Variants in DGKB observed in about 807,000 individuals in gnomAD.
The protein encoded by DGKB is diacylglycerol kinase beta.
In DGKB, 67 loss-of-function variants were observed where a neutral mutation model predicts 114.3. The observed-to-expected ratio is 0.59, with a 90% CI of 0.48 to 0.72. The LOEUF (loss-of-function observed/expected upper bound fraction) is 0.72. Among genes scored for constraint, DGKB ranks in the 30% least tolerant of loss-of-function variants. The pLI, the probability that DGKB is intolerant of heterozygous loss-of-function variation, is 0.00. For missense variants in DGKB, 907 were observed against 975.2 expected, an observed-to-expected ratio of 0.93 and a Z score of 0.93; for synonymous variants, 398 against 323.1, an observed-to-expected ratio of 1.23 and a Z score of -2.49.
At chr7:14,961,089 T>G (rs967285878) in intron 1 of DGKB, among the ~76,000 whole-genome samples, 1 of 152,128 alleles carries the variant, frequency 6.6e-6, no homozygotes, top group Non-Finnish European at 1.5e-5. Flanking sequence ...CTATTTAATG[T>G]GTATACAGGA....
intron 23 of DGKB, among the ~76,000 whole-genome samples, chr7:14,326,058 C>T (rs1808653946): frequency 6.8e-6 from 1 of 148,106 alleles, no homozygotes; most frequent in Admixed American, 6.7e-5. Context: ...ATAATTAGGT[C>T]ACAGATTTCT....
At chr7:14,170,079 A>G (rs1401078397) in intron 25 of DGKB, among the ~76,000 whole-genome samples, 1 of 149,320 alleles carries the variant, frequency 6.7e-6, no homozygotes, top group Non-Finnish European at 1.5e-5. Flanking sequence ...TGTTGCGGTG[A>G]GCCGAGATCA....
intron 17 of DGKB, among the ~76,000 whole-genome samples, chr7:14,594,937 T>G (rs1283576553): frequency 6.6e-6 from 1 of 152,112 alleles, no homozygotes; most frequent in Non-Finnish European, 1.5e-5. Flanking sequence ...GGAACTGAGA[T>G]AGATTCCAGA....
At chr7:14,724,378 G>A (rs1173173675) in intron 5 of DGKB, among the ~76,000 whole-genome samples, 2 of 151,970 alleles carry the variant, frequency 1.3e-5, no homozygotes, top group Admixed American at 6.6e-5. Context: ...TACCCAAACC[G>A]GCAGCAAAAT....
At chr7:14,806,161 A>G (rs1842772020) in intron 2 of DGKB, among the ~76,000 whole-genome samples, 1 of 151,942 alleles carries the variant, frequency 6.6e-6, no homozygotes, top group South Asian at 2.1e-4. Context: ...TATTCTTGTT[A>G]TGACTCTAGC....
chr7:14,583,032 T>A lies in DGKB; in HGVS notation c.1519+20A>T. On this transcript the variant is annotated intron_variant, in intron 18 of 25. Transcript: ENST00000402815. ...GCTATTGCTCTCTCCCCAGCCATAT[T>A]AAGTATGTGTCTGCATTACCTATGC... The A allele has an allele frequency of 6.6e-7, 1 of 1,514,748 alleles. No individual in the cohort carries two copies. Among genetic ancestry groups the A allele is most frequent in the Non-Finnish European group, 9.2e-7 (1 of 1,089,892 alleles). The allele number at this position is 1,514,748 out of a possible 1,614,324, so 93.8% of individuals were successfully genotyped here. A position where few individuals can be genotyped will look rare whatever the true frequency, so the allele number is the denominator to read the frequency against.
At chr7:14,746,909 A>G (rs1586180489) in intron 4 of DGKB, among the ~76,000 whole-genome samples, 2 of 152,206 alleles carry the variant, frequency 1.3e-5, no homozygotes, top group African/African-American at 4.8e-5. Flanking sequence ...TCTGTGTCAG[A>G]TAACAGAGAC....
At chr7:14,751,315 C>T (rs1428642245) in intron 4 of DGKB, among the ~76,000 whole-genome samples, 1 of 152,120 alleles carries the variant, frequency 6.6e-6, no homozygotes, top group Non-Finnish European at 1.5e-5. Context: ...AAAGAACAAA[C>T]ATTCTACAGT....
chr7:14,356,931 A>G (rs1027114810), intron 21 of DGKB, among the ~76,000 whole-genome samples: 5 of 152,160 alleles, frequency 3.3e-5, no homozygotes, highest in Non-Finnish European at 5.9e-5. Flanking sequence ...CTTAATCCTG[A>G]GTTCTAATTT....
chr7:14,920,739 G>T (rs1254869113), intron 1 of DGKB, among the ~76,000 whole-genome samples: 1 of 152,052 alleles, frequency 6.6e-6, no homozygotes, highest in Non-Finnish European at 1.5e-5. Flanking sequence ...AAAACTGAAA[G>T]CAACCAAGAT....
At chr7:14,774,313 A>G (rs1310898960) in intron 2 of DGKB, among the ~76,000 whole-genome samples, 4 of 152,224 alleles carry the variant, frequency 2.6e-5, no homozygotes, top group Non-Finnish European at 4.4e-5. Flanking sequence ...ACCTTGCAAG[A>G]ACTTTGCCTA....
At chr7:14,899,446 C>T (rs1347189128) in intron 1 of DGKB, among the ~76,000 whole-genome samples, 1 of 152,120 alleles carries the variant, frequency 6.6e-6, no homozygotes, top group Non-Finnish European at 1.5e-5. Context: ...CTAAAGATCT[C>T]TACCCTACAC....
chr7:14,231,464 T>G (rs2128341676), intron 23 of DGKB, among the ~76,000 whole-genome samples: 1 of 152,158 alleles, frequency 6.6e-6, no homozygotes. Flanking sequence ...TACAAAAAAC[T>G]ATTTAATAAA....
At chr7:14,581,000 A>C (rs1367403836) in intron 18 of DGKB, 49 bp from the exon 19 acceptor site, 8 of 1,337,442 alleles carry the variant, frequency 6.0e-6, no homozygotes, top group Non-Finnish European at 8.3e-6. Flanking sequence ...AGTTCAGATA[A>C]AACGACGGAA....
intron 21 of DGKB, among the ~76,000 whole-genome samples, chr7:14,362,531 T>A (rs1236099127): frequency 6.6e-6 from 1 of 152,074 alleles, no homozygotes; most frequent in Non-Finnish European, 1.5e-5. Flanking sequence ...GTTTCTGCCC[T>A]CATATTGCTT....
intron 25 of DGKB, among the ~76,000 whole-genome samples, chr7:14,156,796 G>A (rs780359276): frequency 1.3e-5 from 2 of 152,034 alleles, no homozygotes; most frequent in African/African-American, 4.8e-5. Context: ...ATTTTCTTTG[G>A]CGTATCTTTA....
intron 2 of DGKB, among the ~76,000 whole-genome samples, chr7:14,838,096 A>G (rs947977799): frequency 1.3e-5 from 2 of 152,156 alleles, no homozygotes; most frequent in African/African-American, 4.8e-5. Context: ...TATGGATTTT[A>G]TATTTATGAT....
chr7:14,341,981 C>T (rs971942290), intron 22 of DGKB, among the ~76,000 whole-genome samples: 8 of 151,890 alleles, frequency 5.3e-5, no homozygotes, highest in Middle Eastern at 3.4e-3. Flanking sequence ...CTCAATGAAA[C>T]GTAAAACATT....
At chr7:14,585,134 A>T (rs1185514484) in intron 17 of DGKB, among the ~76,000 whole-genome samples, 1 of 152,186 alleles carries the variant, frequency 6.6e-6, no homozygotes. Flanking sequence ...ATGGATATTT[A>T]GAACAGGAAA....
Sources: gnomAD v4.1 joint callset for allele counts (sites outside exome capture counted in the v4.1 genomes callset) on GRCh38, gnomAD v4.1.1 for gene constraint, MANE v1.5 for transcripts, NCBI Gene and HGNC (gene_info 2026-07-23, HGNC 2026-07-21) for gene names.